The following WFDC9 variants were observed in gnomAD, a reference collection of about 807,000 sequenced individuals.
WFDC9 encodes WAP four-disulfide core domain 9.
A neutral mutation model predicts 9.5 loss-of-function variants in WFDC9; 9 were observed. The observed-to-expected ratio is 0.95, with a 90% CI of 0.57 to 1.65. WFDC9 has a LOEUF of 1.65. WFDC9 is among the 40% of genes most tolerant of loss of function. The probability of loss-of-function intolerance (pLI) is 0.00; values close to 1 mark genes in which losing one functional copy is unlikely to be tolerated. For synonymous variants in WFDC9, 33 were observed against 32.3 expected, an observed-to-expected ratio of 1.02 and a Z score of -0.07; for missense variants, 87 against 106.7, an observed-to-expected ratio of 0.82 and a Z score of 0.81.
chr20:45,622,997 T>G (rs4812939), intron 1 of WFDC9, among the ~76,000 whole-genome samples: 2 of 152,156 alleles, frequency 1.3e-5, no homozygotes, highest in Admixed American at 6.6e-5. Flanking sequence ...TAGGTTAAGT[T>G]AAGCTAAGTG....
chr20:45,611,861 G>C (rs1030613300), intron 2 of WFDC9, among the ~76,000 whole-genome samples: 1 of 152,132 alleles, frequency 6.6e-6, no homozygotes, highest in Non-Finnish European at 1.5e-5. Flanking sequence ...TTCTACTCTA[G>C]GCTATACAAA....
chr20:45,626,990 C>G (rs1982233171), intron 1 of WFDC9, among the ~76,000 whole-genome samples: 1 of 152,046 alleles, frequency 6.6e-6, no homozygotes, highest in Non-Finnish European at 1.5e-5. Context: ...GAGGTGCTTT[C>G]CTTTCATACA....
At chr20:45,615,350 C>T (rs1981949169) in intron 1 of WFDC9, among the ~76,000 whole-genome samples, 1 of 152,132 alleles carries the variant, frequency 6.6e-6, no homozygotes, top group African/African-American at 2.4e-5. Context: ...ATCACTAGCT[C>T]ATGAGAAAAG....
chr20:45,626,203 A>G (rs1982216087), intron 1 of WFDC9, among the ~76,000 whole-genome samples: 1 of 152,116 alleles, frequency 6.6e-6, no homozygotes, highest in Admixed American at 6.5e-5. Context: ...AGAGCTTGGT[A>G]GTATATTTAG....
intron 3 of WFDC9, among the ~76,000 whole-genome samples, chr20:45,609,294 C>T (rs982256534): frequency 6.6e-6 from 1 of 151,762 alleles, no homozygotes; most frequent in African/African-American, 2.4e-5. Context: ...ACCTCCACTT[C>T]CCGGGTTCAA....
intron 1 of WFDC9, among the ~76,000 whole-genome samples, chr20:45,621,119 G>A (rs1404734933): frequency 6.6e-6 from 1 of 152,032 alleles, no homozygotes; most frequent in Non-Finnish European, 1.5e-5. Flanking sequence ...TATTTTAAAA[G>A]CCATTATTGT....
intron 1 of WFDC9, chr20:45,629,969 A>C: frequency 6.3e-7 from 1 of 1,583,864 alleles, no homozygotes; most frequent in Non-Finnish European, 8.6e-7. Context: ...GCCTGTGTCC[A>C]GTCTGAGTAG....
chr20:45,620,497 C>T (rs982782429), intron 1 of WFDC9, among the ~76,000 whole-genome samples: 4 of 152,122 alleles, frequency 2.6e-5, no homozygotes, highest in Non-Finnish European at 5.9e-5. Flanking sequence ...GAGGCTGAGG[C>T]ATGAGAATCA....
intron 2 of WFDC9, among the ~76,000 whole-genome samples, chr20:45,611,641 C>A (rs1001349631): frequency 1.2e-4 from 18 of 152,222 alleles, no homozygotes; most frequent in African/African-American, 4.3e-4. Context: ...AATTTCTTCT[C>A]GTTATAAAAA....
At chr20:45,621,631 T>G (rs1982102574) in intron 1 of WFDC9, among the ~76,000 whole-genome samples, 1 of 152,228 alleles carries the variant, frequency 6.6e-6, no homozygotes, top group African/African-American at 2.4e-5. Context: ...TGGTACATGC[T>G]AGGCAGAAGC....
Position 45,630,764 on chromosome 20 carries a change from G to A in WFDC9, c.-153+439C>T. On this transcript the variant is annotated intron_variant, in intron 1 of 4. Transcript: ENST00000326000. ...AGTTCTATGAAGAAGGAATCCAGGA[G>A]TATCATGACTGAGACCTGGGTTCAA... The A allele has an allele frequency of 2.4e-6, 3 of 1,239,740 alleles. 1 individual carries two copies. Among genetic ancestry groups the A allele is most frequent in the Middle Eastern group, 4.0e-4 (2 of 5,054 alleles). 76.8% of individuals were successfully genotyped at this position (1,239,740 alleles called of 1,614,324 possible).
At chr20:45,622,741 AATCT>A (rs112297865) in intron 1 of WFDC9, among the ~76,000 whole-genome samples, 2,999 of 152,284 alleles carry the variant, frequency 0.02, 87 homozygotes, top group African/African-American at 0.064. Context: ...TATCTACTCT[AATCT>A]ATTTACATAT....
At chr20:45,610,295 G>C (rs1179276153) in intron 2 of WFDC9, 56 bp from the exon 3 acceptor site, 3 of 817,930 alleles carry the variant, frequency 3.7e-6, no homozygotes, top group Non-Finnish European at 5.9e-6. Context: ...GGGGTAAAGT[G>C]CTTATGACTA....
chr20:45,626,992 T>C (rs1415639544), intron 1 of WFDC9, among the ~76,000 whole-genome samples: 1 of 152,244 alleles, frequency 6.6e-6, no homozygotes, highest in Non-Finnish European at 1.5e-5. Context: ...GGTGCTTTCC[T>C]TTCATACATA....
At chr20:45,622,569 G>A (rs1222817745) in intron 1 of WFDC9, among the ~76,000 whole-genome samples, 1 of 152,092 alleles carries the variant, frequency 6.6e-6, no homozygotes, top group Non-Finnish European at 1.5e-5. Flanking sequence ...AAAACTGAAA[G>A]TACAGTAAAA....
intron 2 of WFDC9, among the ~76,000 whole-genome samples, chr20:45,612,113 G>A (rs781294225): frequency 6.6e-6 from 1 of 152,106 alleles, no homozygotes; most frequent in Non-Finnish European, 1.5e-5. Context: ...GAAACACTAA[G>A]CATAGGACCT....
chr20:45,611,320 C>T (rs1412564768), intron 2 of WFDC9, among the ~76,000 whole-genome samples: 1 of 152,104 alleles, frequency 6.6e-6, no homozygotes, highest in Non-Finnish European at 1.5e-5. Context: ...TTCACCACAT[C>T]CTGTTCCATA....
chr20:45,608,785 C>T lies in WFDC9; in HGVS notation c.117G>A (p.Glu39=), dbSNP rs759769241. Residue 39 remains glutamate (E), a synonymous_variant, in exon 4 of 5, where the codon GAG becomes GAA. Coordinates refer to ENST00000326000, the MANE Select transcript of WFDC9 (RefSeq NM_147198.4). The stretch of plus-strand genomic sequence containing the variant: ...TATATGGAGGCTGTACCCAGCACTG[C>T]TCAGTTTCTCTTATCATATCTAGAA... ...DPFLDMIRET[E]QCWVQPPYKY... is the part of the protein sequence containing the mutation. The T allele has an allele frequency of 8.1e-6, 13 of 1,612,772 alleles. No homozygotes were observed. The highest frequency in any genetic ancestry group is 3.3e-5 in the Admixed American group (2 of 59,870).
At chr20:45,627,256 A>G (rs1568655081) in intron 1 of WFDC9, among the ~76,000 whole-genome samples, 1 of 152,150 alleles carries the variant, frequency 6.6e-6, no homozygotes, top group Non-Finnish European at 1.5e-5. Flanking sequence ...TATTTTCATC[A>G]GGAATATTGG....
Sources: allele counts gnomAD v4.1 joint callset (sites outside exome capture counted in the v4.1 genomes callset), GRCh38; gene constraint gnomAD v4.1.1; transcripts MANE v1.5; gene names NCBI Gene and HGNC (gene_info 2026-07-23, HGNC 2026-07-21).